Variants in SFPQ observed in about 807,000 individuals in gnomAD.
SFPQ encodes the protein splicing factor, proline- and glutamine-rich.
A neutral mutation model predicts 72.9 loss-of-function variants in SFPQ; 11 were observed. The ratio of observed to expected loss-of-function variants is 0.15; its 90% CI spans 0.09 to 0.25. SFPQ has a LOEUF of 0.25. Among genes scored for constraint, SFPQ ranks in the 10% least tolerant of loss-of-function variants. The pLI, the probability that SFPQ is intolerant of heterozygous loss-of-function variation, is 1.00. For missense variants in SFPQ, 847 were observed against 993.3 expected, an observed-to-expected ratio of 0.85 and a Z score of 1.98; for synonymous variants, 506 against 367.3, an observed-to-expected ratio of 1.38 and a Z score of -4.32.
chr1:35,188,919 C>G (rs1639860727), intron 6 of SFPQ, 84 bp downstream of exon 6: 2 of 1,046,824 alleles, frequency 1.9e-6, no homozygotes, highest in Non-Finnish European at 2.9e-6. Flanking sequence ...TGAGACTGCA[C>G]CACTGCACTC....
At chr1:35,189,444 C>G in intron 4 of SFPQ, 62 bp from the exon 5 acceptor site, 1 of 1,289,668 alleles carries the variant, frequency 7.8e-7, no homozygotes, top group Non-Finnish European at 1.1e-6. Flanking sequence ...AAATACTTGC[C>G]CTAGTACTGA....
chr1:35,179,391 A>T, downstream of SFPQ: 1 of 1,056,968 alleles, frequency 9.5e-7, no homozygotes, highest in Non-Finnish European at 1.1e-6. Flanking sequence ...TCTTTCAGAA[A>T]GCACCGGTAT....
At chr1:35,186,936 A>C in intron 9 of SFPQ, 65 bp downstream of exon 9, 1 of 1,527,112 alleles carries the variant, frequency 6.5e-7, no homozygotes, top group Non-Finnish European at 8.8e-7. Context: ...AACAAAACAA[A>C]ACAAACACAC....
Position 35,182,962 on chromosome 1 carries a change from G to A in SFPQ, c.*1494C>T. The stretch of plus-strand genomic sequence containing the variant: ...ACATTCCAAGCCTTTATGGTGGGAG[G>A]AAGGGATATTTGTACTGTGTAGCAT... On this transcript the variant is annotated 3_prime_UTR_variant, in exon 10 of 10. Transcript: ENST00000357214. 3.8e-6 allele frequency: 4 copies of A among 1,042,410 alleles called. No homozygotes were observed. Among genetic ancestry groups the A allele is most frequent in the South Asian group, 4.6e-5 (1 of 21,770 alleles). 64.6% of individuals were successfully genotyped at this position (1,042,410 alleles called of 1,614,324 possible).
chr1:35,180,518 TAGACAC>T, downstream of SFPQ: 1 of 1,049,808 alleles, frequency 9.5e-7, no homozygotes, highest in African/African-American at 1.7e-5. Flanking sequence ...GTTTAGAGTA[TAGACAC>T]ATTTAGACAA....
At chr1:35,189,775 C>G (rs1238256514) in intron 4 of SFPQ, among the ~76,000 whole-genome samples, 8 of 152,000 alleles carry the variant, frequency 5.3e-5, no homozygotes, top group African/African-American at 1.9e-4. Context: ...ATGATGAAAC[C>G]CCGTCTCCAC....
At chr1:35,191,588 A>G (rs1414155868) in intron 1 of SFPQ, 59 bp from the exon 2 acceptor site, 1 of 1,357,878 alleles carries the variant, frequency 7.4e-7, no homozygotes, top group East Asian at 2.3e-5. Context: ...GAAAATCCCC[A>G]AGATAGTATT....
intron 4 of SFPQ, chr1:35,177,736 A>G (rs192373373): frequency 3.8e-3 from 605 of 161,072 alleles, no homozygotes; most frequent in Non-Finnish European, 6.2e-3. Flanking sequence ...CCTTAAGTCA[A>G]GTTTTCTTTT....
In SFPQ at chr1:35,183,869, T is replaced by C. The variant is rs552741792; in HGVS notation, c.*587A>G. The C allele has an allele frequency of 1.3e-4, 135 of 1,053,940 alleles. 1 individual carries two copies. The highest frequency in any genetic ancestry group is 8.5e-4 in the Middle Eastern group (2 of 2,350). 65.3% of individuals were successfully genotyped at this position (1,053,940 alleles called of 1,614,324 possible). On this transcript the variant is annotated 3_prime_UTR_variant, in exon 10 of 10. Transcript: ENST00000357214. ...GATTTACAGTTCAGCTTTGCTTACA[T>C]AACCATTTAAAAAATACTTAGCACC...
At chr1:35,180,129 CAT>C (rs1042898576), downstream of SFPQ, 9 of 1,048,728 alleles carry the variant, frequency 8.6e-6, no homozygotes, top group East Asian at 5.5e-5. Context: ...AGAAAAGTCT[CAT>C]AGTCATGAAG....
At chr1:35,178,980 G>T, downstream of SFPQ, 1 of 1,055,158 alleles carries the variant, frequency 9.5e-7, no homozygotes, top group South Asian at 4.6e-5. Context: ...ATTTCCAGTT[G>T]AGTCTTAAAA....
intron 1 of SFPQ, 49 bp from the exon 2 acceptor site, chr1:35,191,578 G>A (rs768277426): frequency 2.1e-6 from 3 of 1,422,146 alleles, no homozygotes; most frequent in East Asian, 2.3e-5. Flanking sequence ...CTCTGCAAGT[G>A]AAAATCCCCA....
rs762278290 is a variant in SFPQ at position 35,192,731 on chromosome 1, A to G, written c.319T>C (p.Ser107Pro). The G allele has an allele frequency of 1.1e-5, 16 of 1,496,230 alleles. No homozygotes were observed. Among genetic ancestry groups the G allele is most frequent in the Non-Finnish European group, 2.7e-6 (3 of 1,131,296 alleles). 92.7% of individuals were successfully genotyped at this position (1,496,230 alleles called of 1,614,324 possible). Residue 107 changes from serine to proline, a missense_variant, in exon 1 of 10, where the codon TCC (serine) becomes CCC (proline). Physicochemically the swap from Ser to Pro is moderately conservative, Grantham distance 74. Coordinates refer to ENST00000357214, the MANE Select transcript of SFPQ (RefSeq NM_005066.3). The stretch of plus-strand genomic sequence containing the variant: ...GGTCCCTGAGCAACGACGGGCTTGG[A>G]AGAGTCCTGCGGCGGTGGCGGCGGC... ...QQPPPPPQDSSKPVVAQGPGP... is the reference protein window; with the variant it reads ...QQPPPPPQDSPKPVVAQGPGP...
intron 6 of SFPQ, 85 bp from the exon 7 acceptor site, chr1:35,188,175 G>A: frequency 2.0e-6 from 2 of 1,022,286 alleles, no homozygotes; most frequent in Non-Finnish European, 3.1e-6. Flanking sequence ...GTTGACCTAA[G>A]AACTAGGTTA....
chr1:35,188,726 A>G (rs1166214808), intron 6 of SFPQ, among the ~76,000 whole-genome samples: 1 of 152,156 alleles, frequency 6.6e-6, no homozygotes, highest in Non-Finnish European at 1.5e-5. Context: ...GGAGGCAGAG[A>G]CAGGTGGATC....
Position 35,184,592 on chromosome 1 carries a change from C to T in SFPQ, c.1988G>A (p.Arg663His). The T allele has an allele frequency of 6.3e-7, 1 of 1,586,454 alleles. No individual in the cohort carries two copies. Among genetic ancestry groups the T allele is most frequent in the Non-Finnish European group, 8.5e-7 (1 of 1,171,850 alleles). ...MSGSMMGSDM[R>H]TERFGQGGAG... ...ACCTCCCTGCCCAAAGCGCTCAGTA[C>T]GCTATTGGAACAGTAATTAACAGTT... The change falls in exon 10 of 10, where the codon CGT becomes CAT. Residue 663 changes from arginine (R) to histidine (H), a missense_variant and splice_region_variant. Arg to His is a conservative substitution (Grantham distance 29, BLOSUM62 0). Transcript: ENST00000357214.
chr1:35,187,236 G>C lies in SFPQ; in HGVS notation c.1831C>G (p.Arg611Gly). The C allele has an allele frequency of 1.9e-6, 3 of 1,614,004 alleles. No individual in the cohort carries two copies. Among genetic ancestry groups the C allele is most frequent in the Non-Finnish European group, 2.5e-6 (3 of 1,179,992 alleles). Reference protein sequence around the residue: ...GYMDPRERDMRMGGGGAMNMG... With the variant: ...GYMDPRERDMGMGGGGAMNMG... ...TTCATTGCTCCTCCGCCACCCATTC[G>C]CATGTCTCTTTCCCGCTGCAAGAAA... Residue 611 changes from arginine (R) to glycine (G), a missense_variant, in exon 8 of 10, where the codon CGA (arginine) becomes GGA (glycine). Arg to Gly is a moderately radical substitution (Grantham distance 125). Coordinates refer to ENST00000357214, the MANE Select transcript of SFPQ (RefSeq NM_005066.3).
chr1:35,186,515 CATAGG>C (rs1284763667), intron 9 of SFPQ, among the ~76,000 whole-genome samples: 5 of 152,196 alleles, frequency 3.3e-5, no homozygotes, highest in African/African-American at 1.2e-4. Context: ...ATTCCCTTTT[CATAGG>C]ATAGAAGCCA....
At position 35,184,600 on chromosome 1, in the gene SFPQ, G is replaced by C. The variant is rs376581158; in HGVS notation, c.1987-7C>G. 2.5e-6 allele frequency: 4 copies of C among 1,572,098 alleles called. No individual in the cohort carries two copies. Among genetic ancestry groups the C allele is most frequent in the East Asian group, 2.3e-5 (1 of 43,298 alleles). The stretch of plus-strand genomic sequence containing the variant: ...GCCCAAAGCGCTCAGTACGCTATTG[G>C]AACAGTAATTAACAGTTCATTATAA... On this transcript the variant is annotated splice_region_variant and splice_polypyrimidine_tract_variant and intron_variant, in intron 9 of 9. Transcript: ENST00000357214.
Sources: allele counts gnomAD v4.1 joint callset (sites outside exome capture counted in the v4.1 genomes callset), GRCh38; gene constraint gnomAD v4.1.1; transcripts MANE v1.5; gene names NCBI Gene and HGNC (gene_info 2026-07-23, HGNC 2026-07-21).